CDH6: variants seen among roughly 807,000 people sequenced by gnomAD.
CDH6 encodes cadherin-6.
A neutral mutation model predicts 78.0 loss-of-function variants in CDH6; 31 were observed. The observed-to-expected ratio is 0.40, with a 90% CI of 0.30 to 0.54. The LOEUF is 0.54. CDH6 is among the 20% of genes least tolerant of loss of function. The probability of loss-of-function intolerance (pLI) is 0.56; values close to 1 mark genes in which losing one functional copy is unlikely to be tolerated. For synonymous variants in CDH6, 376 were observed against 368.8 expected, an observed-to-expected ratio of 1.02 and a Z score of -0.23; for missense variants, 724 against 975.9, an observed-to-expected ratio of 0.74 and a Z score of 3.44.
intron 2 of CDH6, among the ~76,000 whole-genome samples, chr5:31,271,556 G>C (rs563037053): frequency 1.3e-5 from 2 of 152,324 alleles, no homozygotes; most frequent in South Asian, 2.1e-4. Context: ...ATAAGAAAAT[G>C]TCAACAACCA....
chr5:31,259,676 G>A (rs1232907581), intron 1 of CDH6, among the ~76,000 whole-genome samples: 1 of 152,182 alleles, frequency 6.6e-6, no homozygotes, highest in East Asian at 1.9e-4. Context: ...ACCATGAAGA[G>A]CTAATTAAAA....
chr5:31,235,236 C>CTTTTTTTTTTTTTTTTTTTTT (rs543675071), intron 1 of CDH6, among the ~76,000 whole-genome samples: 4 of 110,642 alleles, frequency 3.6e-5, no homozygotes, highest in Non-Finnish European at 5.3e-5. Context: ...ATTCCTTTTT[C>CTTTTTTTTTTTTTTTTTTTTT]TTTTTTTTTT....
intron 1 of CDH6, among the ~76,000 whole-genome samples, chr5:31,257,522 C>A (rs1446338692): frequency 6.6e-6 from 1 of 152,214 alleles, no homozygotes; most frequent in Non-Finnish European, 1.5e-5. Context: ...GTCATTCTTA[C>A]ATTCAGCCAT....
intron 2 of CDH6, among the ~76,000 whole-genome samples, chr5:31,273,922 G>T (rs912778804): frequency 3.3e-5 from 5 of 151,854 alleles, no homozygotes; most frequent in African/African-American, 9.7e-5. Context: ...TTTTTTAAGC[G>T]TCTTTTTCTT....
intron 2 of CDH6, among the ~76,000 whole-genome samples, chr5:31,270,687 T>C (rs1742506528): frequency 6.6e-6 from 1 of 152,106 alleles, no homozygotes; most frequent in Non-Finnish European, 1.5e-5. Context: ...TTCCTTTTTT[T>C]TATTTTATTT....
chr5:31,241,513 T>C (rs1741600732), intron 1 of CDH6, among the ~76,000 whole-genome samples: 1 of 152,248 alleles, frequency 6.6e-6, no homozygotes, highest in African/African-American at 2.4e-5. Flanking sequence ...CCAGCTGCTA[T>C]AACACATAAA....
chr5:31,321,498 A>G lies in CDH6; in HGVS notation c.1883-1320A>G, dbSNP rs1026650273. 3.3e-5 allele frequency among the ~76,000 whole-genome samples: 5 copies of G among 152,214 alleles called. No individual in the cohort carries two copies. The South Asian group carries it at 1.0e-3, about 32-fold the overall frequency. ...TCCTCTTATGTAAAATGGGGTTTTA[A>G]TGATGGTATCTACTTGTAGGGCTAT... On this transcript the variant is annotated intron_variant, in intron 11 of 11. Transcript: ENST00000265071.
At chr5:31,295,547 TTTC>T (rs1737560395) in intron 3 of CDH6, among the ~76,000 whole-genome samples, 1 of 152,178 alleles carries the variant, frequency 6.6e-6, no homozygotes, top group Admixed American at 6.6e-5. Flanking sequence ...AAAAGGCTTT[TTTC>T]AGTTTGCACA....
chr5:31,308,484 G>A (rs1452718504), intron 7 of CDH6, among the ~76,000 whole-genome samples: 2 of 149,822 alleles, frequency 1.3e-5, no homozygotes, highest in Admixed American at 6.6e-5. Context: ...GATCATGATG[G>A]GATTTTATCT....
chr5:31,308,946 T>A (rs1405185490), intron 7 of CDH6, among the ~76,000 whole-genome samples: 1 of 152,076 alleles, frequency 6.6e-6, no homozygotes. Flanking sequence ...TTATTAAATT[T>A]CTTATGAAGT....
rs750696655 is a variant in CDH6 at position 31,326,680 on chromosome 5, A to ATTTTTTTTTTTT, written c.*3372_*3373insTTTTTTTTTTTT. 7.7e-6 allele frequency: 1 copy of ATTTTTTTTTTTT among 130,318 alleles called. No individual in the cohort carries two copies. The highest frequency in any genetic ancestry group is 1.6e-5 in the Non-Finnish European group (1 of 61,680). The allele number at this position is 130,318 out of a possible 1,614,324, so 8.1% of individuals were successfully genotyped here. On this transcript the variant is annotated 3_prime_UTR_variant, in exon 12 of 12. Transcript: ENST00000265071. ...CAAAGAGTTGTGCAGAAAATCTTAA[A>ATTTTTTTTTTTT]ATTTTTTTTTTTTTTTTTTTTTTTT...
chr5:31,234,461 GTAAC>G (rs1463752380), intron 1 of CDH6, among the ~76,000 whole-genome samples: 8 of 152,160 alleles, frequency 5.3e-5, no homozygotes, highest in Non-Finnish European at 1.0e-4. Flanking sequence ...TATCCACAGA[GTAAC>G]TACCCTAAAA....
intron 1 of CDH6, among the ~76,000 whole-genome samples, chr5:31,218,243 C>T (rs1561028023): frequency 6.6e-6 from 1 of 151,572 alleles, no homozygotes; most frequent in African/African-American, 2.4e-5. Flanking sequence ...GATAAATTCA[C>T]AAAAACAGAA....
chr5:31,276,027 C>A (rs974736667), intron 2 of CDH6, among the ~76,000 whole-genome samples: 2 of 152,230 alleles, frequency 1.3e-5, no homozygotes, highest in African/African-American at 4.8e-5. Context: ...CTCGAGGGGG[C>A]AACTCTGTGT....
At chr5:31,308,866 G>T (rs1267417954) in intron 7 of CDH6, among the ~76,000 whole-genome samples, 5 of 151,982 alleles carry the variant, frequency 3.3e-5, no homozygotes, top group Admixed American at 6.6e-5. Context: ...GTATATTATT[G>T]TAACAGCTTA....
At chr5:31,205,219 A>G (rs1050229853) in intron 1 of CDH6, among the ~76,000 whole-genome samples, 1 of 152,204 alleles carries the variant, frequency 6.6e-6, no homozygotes, top group Admixed American at 6.5e-5. Context: ...TATTTTTACA[A>G]CTGATTTCCT....
intron 7 of CDH6, among the ~76,000 whole-genome samples, chr5:31,309,614 C>A (rs1738088463): frequency 6.6e-6 from 1 of 151,268 alleles, no homozygotes; most frequent in African/African-American, 2.4e-5. Flanking sequence ...CACCCCCACC[C>A]TGCTCATAAA....
Position 31,313,435 on chromosome 5 carries a change from A to G in CDH6, c.1371A>G (p.Thr457=). 6.2e-7 allele frequency: 1 copy of G among 1,614,034 alleles called. No homozygotes were observed. Among genetic ancestry groups the G allele is most frequent in the Non-Finnish European group, 8.5e-7 (1 of 1,179,930 alleles). Residue 457 remains threonine (T), a synonymous_variant, in exon 8 of 12, where the codon ACA becomes ACG. Transcript: ENST00000265071. Reference sequence around the variant, plus strand: ...AAACACTGCTATGGCACAACATTACAGTGATAGCAACAGAGATCAGTAAGT... The same window carrying G: ...AAACACTGCTATGGCACAACATTACGGTGATAGCAACAGAGATCAGTAAGT... ...DRETLLWHNI[T]VIATEINNPK...
chr5:31,245,630 A>G (rs1023175905), intron 1 of CDH6, among the ~76,000 whole-genome samples: 1 of 152,248 alleles, frequency 6.6e-6, no homozygotes, highest in Non-Finnish European at 1.5e-5. Flanking sequence ...GGAATGGCAG[A>G]AAGTTGAAAA....
Sources: gnomAD v4.1 joint callset for allele counts (sites outside exome capture counted in the v4.1 genomes callset) on GRCh38, gnomAD v4.1.1 for gene constraint, MANE v1.5 for transcripts, NCBI Gene and HGNC (gene_info 2026-07-23, HGNC 2026-07-21) for gene names.